The following PROM1 variants were observed in gnomAD, a reference collection of about 807,000 sequenced individuals.
PROM1 encodes prominin 1.
Under a neutral mutation model 116.9 loss-of-function variants are expected in PROM1, and 105 were observed. The ratio of observed to expected loss-of-function variants is 0.90; its 90% CI spans 0.77 to 1.06. The LOEUF (loss-of-function observed/expected upper bound fraction) is 1.06. PROM1 is among the 50% of genes least tolerant of loss of function. PROM1 has a pLI of 0.00. For missense variants in PROM1, 1,122 were observed against 1,045.2 expected, an observed-to-expected ratio of 1.07 and a Z score of -1.01; for synonymous variants, 393 against 387.0, an observed-to-expected ratio of 1.02 and a Z score of -0.18.
At position 16,033,390 on chromosome 4, in the gene PROM1, TCCA is replaced by T; in HGVS notation, c.420_422del (p.Gly141del). The T allele has an allele frequency of 6.2e-7, 1 of 1,613,878 alleles. No homozygotes were observed. Among genetic ancestry groups the T allele is most frequent in the South Asian group, 1.1e-5 (1 of 91,078 alleles). ...TTTCCTTCTGTCGCTGGTGCATTTC[TCCA>T]CCACATTTGTTACAGCAACGACACA... is the stretch of plus-strand genomic sequence containing the variant. On this transcript the variant is annotated inframe_deletion, in exon 5 of 28. Transcript: ENST00000447510.
intron 2 of PROM1, among the ~76,000 whole-genome samples, chr4:16,060,119 G>A (rs891950370): frequency 6.6e-6 from 1 of 152,124 alleles, no homozygotes; most frequent in South Asian, 2.1e-4. Context: ...AAAGGGAGGC[G>A]GGGGGCTGAG....
At chr4:16,023,693 G>C (rs542912112) in intron 7 of PROM1, among the ~76,000 whole-genome samples, 1 of 152,314 alleles carries the variant, frequency 6.6e-6, no homozygotes, top group South Asian at 2.1e-4. Context: ...TCTTCGGCTA[G>C]ACCAGAGTTC....
intron 4 of PROM1, 77 bp from the exon 5 acceptor site, chr4:16,033,586 CT>C (rs60492380): frequency 0.027 from 7,203 of 270,604 alleles, no homozygotes; most frequent in East Asian, 0.046. Flanking sequence ...GTACAAAGTT[CT>C]TTTTTTTTTT....
intron 7 of PROM1, 33 bp from the exon 8 acceptor site, chr4:16,023,448 T>C: frequency 6.7e-7 from 1 of 1,498,440 alleles, no homozygotes; most frequent in Non-Finnish European, 9.1e-7. Context: ...ATGGTGAGGG[T>C]GGCCTCTGCT....
At chr4:16,072,664 C>G (rs75392028) in intron 2 of PROM1, among the ~76,000 whole-genome samples, 2,598 of 152,290 alleles carry the variant, frequency 0.017, 44 homozygotes, top group Non-Finnish European at 0.024. Flanking sequence ...CCTGCTCTTG[C>G]AGGACTAAAA....
chr4:16,023,416 CT>C lies in PROM1; in HGVS notation c.695-2del. 6.3e-7 allele frequency: 1 copy of C among 1,590,664 alleles called. No individual in the cohort carries two copies. Among genetic ancestry groups the C allele is most frequent in the Non-Finnish European group, 8.6e-7 (1 of 1,165,174 alleles). On this transcript the variant is annotated splice_acceptor_variant, in intron 7 of 27. Transcript: ENST00000447510. LOFTEE classifies it high-confidence loss of function. Reference sequence around the variant, plus strand: ...CCGCCTCCTAGCACTGAATTGATACCTACATGCAAATAAGCACAAAGATGGT... The same window carrying C: ...CCGCCTCCTAGCACTGAATTGATACCACATGCAAATAAGCACAAAGATGGT...
chr4:16,010,579 C>T (rs1463163683), intron 11 of PROM1, among the ~76,000 whole-genome samples: 1 of 152,224 alleles, frequency 6.6e-6, no homozygotes, highest in Non-Finnish European at 1.5e-5. Context: ...TCATGGCTCA[C>T]TGCAGGCTCA....
chr4:16,005,330 G>A (rs951169818), intron 13 of PROM1, among the ~76,000 whole-genome samples: 1 of 152,164 alleles, frequency 6.6e-6, no homozygotes, highest in African/African-American at 2.4e-5. Flanking sequence ...TCTTTGTCCA[G>A]CCCTGGTAGA....
At chr4:16,010,837 A>G (rs1726717010) in intron 11 of PROM1, among the ~76,000 whole-genome samples, 1 of 152,084 alleles carries the variant, frequency 6.6e-6, no homozygotes. Context: ...TCACATAGCT[A>G]TGACATCTAG....
intron 10 of PROM1, 106 bp from the exon 11 acceptor site, chr4:16,013,444 A>G (rs904726553): frequency 2.7e-6 from 2 of 743,358 alleles, no homozygotes; most frequent in Non-Finnish European, 4.8e-6. Flanking sequence ...AAATAAAAAT[A>G]TAACATTCAT....
chr4:16,056,382 C>T lies in PROM1; in HGVS notation c.221-17381G>A, dbSNP rs369178210. On this transcript the variant is annotated intron_variant, in intron 2 of 27. Coordinates refer to ENST00000447510, the MANE Select transcript of PROM1 (RefSeq NM_006017.3). ...CTGAGAGGGTACACAAGAGTGTATC[C>T]GCTCTTGCACGCAACAATTATGGGG... is the stretch of plus-strand genomic sequence containing the variant. Among the ~76,000 whole-genome samples, 16 of 152,152 alleles carry T rather than the reference C, an allele frequency of 1.1e-4. No individual in the cohort carries two copies. The South Asian group carries it at 2.5e-3, about 24-fold the overall frequency.
At chr4:16,031,074 A>T (rs1732595091) in intron 5 of PROM1, among the ~76,000 whole-genome samples, 1 of 152,210 alleles carries the variant, frequency 6.6e-6, no homozygotes, top group African/African-American at 2.4e-5. Context: ...AATATATTGG[A>T]AACCGATTAT....
intron 16 of PROM1, among the ~76,000 whole-genome samples, chr4:15,993,638 G>A (rs1560428680): frequency 6.6e-6 from 1 of 152,200 alleles, no homozygotes; most frequent in South Asian, 2.1e-4. Flanking sequence ...GTCTTGGAGT[G>A]AGAGCCTTCC....
Position 16,076,082 on chromosome 4 carries a change from T to A in PROM1, c.-176A>T. 1 of 1,333,116 alleles carries A rather than the reference T, an allele frequency of 7.5e-7. No homozygotes were observed. Among genetic ancestry groups the A allele is most frequent in the Non-Finnish European group, 9.9e-7 (1 of 1,011,138 alleles). 82.6% of individuals were successfully genotyped at this position (1,333,116 alleles called of 1,614,324 possible). On this transcript the variant is annotated 5_prime_UTR_variant, in exon 2 of 28. Transcript: ENST00000447510. ...GCTTGAGGCGAGGGATGCGGAAGAA[T>A]GTTCTCCAAGGGGGTCATTCACTCA...
chr4:15,984,888 T>C (rs1035682917), intron 22 of PROM1, among the ~76,000 whole-genome samples: 1 of 152,216 alleles, frequency 6.6e-6, no homozygotes, highest in African/African-American at 2.4e-5. Flanking sequence ...ATCCTGAAAC[T>C]ACCTCCACCC....
chr4:16,006,425 G>A, intron 13 of PROM1, 113 bp downstream of exon 13: 1 of 1,286,628 alleles, frequency 7.8e-7, no homozygotes. Context: ...CCTGGGAGCT[G>A]GAACCCCGCG....
At chr4:16,006,215 C>A (rs1378066739) in intron 13 of PROM1, among the ~76,000 whole-genome samples, 1 of 152,312 alleles carries the variant, frequency 6.6e-6, no homozygotes, top group East Asian at 1.9e-4. Context: ...AAAGAAGGAA[C>A]AATAGAAATC....
intron 2 of PROM1, among the ~76,000 whole-genome samples, chr4:16,058,418 C>T (rs952620590): frequency 6.6e-6 from 1 of 152,064 alleles, no homozygotes; most frequent in African/African-American, 2.4e-5. Context: ...GATGCCAACG[C>T]AGGTGGATCA....
intron 23 of PROM1, among the ~76,000 whole-genome samples, chr4:15,983,164 C>T (rs953660945): frequency 1.3e-5 from 2 of 152,106 alleles, no homozygotes; most frequent in Non-Finnish European, 2.9e-5. Context: ...TAGAGTTCTA[C>T]AGGAATGAGG....
Sources: gnomAD v4.1 joint callset for allele counts (sites outside exome capture counted in the v4.1 genomes callset) on GRCh38, gnomAD v4.1.1 for gene constraint, MANE v1.5 for transcripts, NCBI Gene and HGNC (gene_info 2026-07-23, HGNC 2026-07-21) for gene names.